GABPB2: variants seen among roughly 807,000 people sequenced by gnomAD.
The protein encoded by GABPB2 is GA-binding protein subunit beta-2.
Under a neutral mutation model 39.1 loss-of-function variants are expected in GABPB2, and 23 were observed. The observed-to-expected ratio is 0.59, with a 90% CI of 0.42 to 0.83. The LOEUF (loss-of-function observed/expected upper bound fraction) is 0.83. Ranked by LOEUF, GABPB2 falls within the 40% of genes least tolerant of loss-of-function variation. The pLI, the probability that GABPB2 is intolerant of heterozygous loss-of-function variation, is 0.00. For missense variants in GABPB2, 467 were observed against 541.1 expected, an observed-to-expected ratio of 0.86 and a Z score of 1.36; for synonymous variants, 184 against 199.3, an observed-to-expected ratio of 0.92 and a Z score of 0.65.
At chr1:151,093,146 G>T (rs371525284) in intron 3 of GABPB2, 46 bp from the exon 4 acceptor site, 7 of 1,436,470 alleles carry the variant, frequency 4.9e-6, no homozygotes, top group Non-Finnish European at 6.6e-6. Context: ...TTGCACCTGT[G>T]CTACTATAAC....
Position 151,070,909 on chromosome 1 carries a change from T to A in GABPB2, c.-26T>A, listed in dbSNP as rs1676645832. On this transcript the variant is annotated 5_prime_UTR_variant, in exon 1 of 9. Coordinates refer to ENST00000368918, the MANE Select transcript of GABPB2 (RefSeq NM_144618.3). ...TAAACTGGCGGGCTCCGTGGAAGCG[T>A]GGCCGGCAGCGTCCCGGACGAGGAG... is the stretch of plus-strand genomic sequence containing the variant. The A allele has an allele frequency of 6.6e-6, 1 of 152,044 alleles. No individual in the cohort carries two copies. The highest frequency in any genetic ancestry group is 6.6e-5 in the Admixed American group (1 of 15,258). The allele number at this position is 152,044 out of a possible 1,614,324, so 9.4% of individuals were successfully genotyped here.
intron 8 of GABPB2, 33 bp downstream of exon 8, chr1:151,117,549 A>C (rs1490690529): frequency 1.9e-6 from 3 of 1,607,868 alleles, no homozygotes; most frequent in Non-Finnish European, 1.7e-6. Context: ...AAAGAATTTA[A>C]AGCCTTAATT....
chr1:151,109,549 C>T (rs754774926), intron 7 of GABPB2, among the ~76,000 whole-genome samples: 11 of 150,264 alleles, frequency 7.3e-5, no homozygotes, highest in Non-Finnish European at 1.0e-4. Flanking sequence ...TTAGTAGAGA[C>T]GGGGTTTCAC....
chr1:151,102,140 G>A (rs1679574536), intron 5 of GABPB2, among the ~76,000 whole-genome samples: 1 of 152,116 alleles, frequency 6.6e-6, no homozygotes, highest in African/African-American at 2.4e-5. Context: ...GGGCAACATG[G>A]CGAGACCTCG....
chr1:151,084,072 A>T (rs587677876), intron 1 of GABPB2, among the ~76,000 whole-genome samples: 45 of 148,946 alleles, frequency 3.0e-4, no homozygotes, highest in Middle Eastern at 3.5e-3. Flanking sequence ...AAAAATATAT[A>T]TATTTTTTTA....
chr1:151,076,815 A>G (rs1297508596), intron 1 of GABPB2, among the ~76,000 whole-genome samples: 1 of 138,744 alleles, frequency 7.2e-6, no homozygotes, highest in African/African-American at 2.7e-5. Flanking sequence ...TTTTTTTGAG[A>G]TGGAGTCTCA....
intron 1 of GABPB2, among the ~76,000 whole-genome samples, chr1:151,082,399 T>C (rs975303910): frequency 1.6e-5 from 2 of 124,906 alleles, no homozygotes; most frequent in Non-Finnish European, 3.4e-5. Context: ...TTTCTTTTTT[T>C]TTTTTTTTTT....
chr1:151,080,559 G>A (rs972907981), intron 1 of GABPB2, among the ~76,000 whole-genome samples: 2 of 147,040 alleles, frequency 1.4e-5, no homozygotes, highest in African/African-American at 5.1e-5. Context: ...AAAATAAAAA[G>A]GGTTTAGGCC....
chr1:151,075,802 A>G (rs1295188865), intron 1 of GABPB2, among the ~76,000 whole-genome samples: 2 of 152,062 alleles, frequency 1.3e-5, no homozygotes, highest in Non-Finnish European at 2.9e-5. Context: ...TCTCAGCCTT[A>G]TTTCACCCAA....
At chr1:151,115,990 C>T (rs1193639810) in intron 7 of GABPB2, among the ~76,000 whole-genome samples, 2 of 152,088 alleles carry the variant, frequency 1.3e-5, no homozygotes, top group African/African-American at 4.8e-5. Context: ...GTAGTCCCAG[C>T]TACTCAGGAG....
intron 1 of GABPB2, among the ~76,000 whole-genome samples, chr1:151,087,011 C>T (rs1001668528): frequency 5.9e-5 from 9 of 152,182 alleles, no homozygotes; most frequent in Middle Eastern, 3.4e-3. Flanking sequence ...TGTGCCACCA[C>T]GCCCGGCTAA....
intron 7 of GABPB2, among the ~76,000 whole-genome samples, chr1:151,114,781 G>A (rs149831704): frequency 0.011 from 1,649 of 152,264 alleles, 43 homozygotes; most frequent in African/African-American, 0.038. Flanking sequence ...AGGCAAAGGT[G>A]GGTGAATCAC....
intron 1 of GABPB2, among the ~76,000 whole-genome samples, chr1:151,071,373 C>T (rs1571864913): frequency 6.6e-6 from 1 of 151,406 alleles, no homozygotes; most frequent in Admixed American, 6.6e-5. Flanking sequence ...TTATCTGACC[C>T]AAATAATGAC....
Position 151,090,416 on chromosome 1 carries a change from C to G in GABPB2, c.119C>G (p.Ser40Ter). The G allele has an allele frequency of 6.2e-7, 1 of 1,613,896 alleles. No individual in the cohort carries two copies. The highest frequency in any genetic ancestry group is 1.1e-5 in the South Asian group (1 of 91,064). Residue 40 changes from serine (S) to a stop codon, truncating the protein, a stop_gained, in exon 3 of 9, where the codon TCA becomes TGA. Transcript: ENST00000368918. LOFTEE classifies it high-confidence loss of function. ...APFTTDWLGT[S>*]PLHLAAQYGH... is the part of the protein sequence containing the mutation. The stretch of plus-strand genomic sequence containing the variant: ...ATTATTTTTCCACAGCTTGGAACAT[C>G]ACCCCTCCACCTTGCAGCTCAATAT...
chr1:151,088,041 G>A (rs1678347706), intron 1 of GABPB2, 149 bp from the exon 2 acceptor site: 1 of 590,890 alleles, frequency 1.7e-6, no homozygotes, highest in Non-Finnish European at 3.1e-6. Flanking sequence ...TGTGTTAGAC[G>A]AGGTAGAAAG....
intron 1 of GABPB2, among the ~76,000 whole-genome samples, chr1:151,083,916 T>A (rs1262008847): frequency 2.7e-5 from 4 of 150,104 alleles, no homozygotes; most frequent in Non-Finnish European, 4.4e-5. Context: ...AATTTTTGTA[T>A]TTTTAGTAGA....
chr1:151,116,397 ATC>A (rs1680865667), intron 7 of GABPB2, among the ~76,000 whole-genome samples: 7 of 89,596 alleles, frequency 7.8e-5, no homozygotes, highest in Non-Finnish European at 1.0e-4. Context: ...GCAAAATTCC[ATC>A]TCAAAAAAAA....
At chr1:151,080,288 A>G (rs996184835) in intron 1 of GABPB2, among the ~76,000 whole-genome samples, 4 of 150,716 alleles carry the variant, frequency 2.7e-5, no homozygotes, top group African/African-American at 9.7e-5. Flanking sequence ...AAGCTGGGCA[A>G]ATCACCTGAG....
At chr1:151,081,597 ACTTCTGGCTT>A in intron 1 of GABPB2, among the ~76,000 whole-genome samples, 1 of 152,154 alleles carries the variant, frequency 6.6e-6, no homozygotes, top group African/African-American at 2.4e-5. Context: ...ACTCTCTTTA[ACTTCTGGCTT>A]AATAGAAGAC....
Sources: gnomAD v4.1 joint callset for allele counts (sites outside exome capture counted in the v4.1 genomes callset) on GRCh38, gnomAD v4.1.1 for gene constraint, MANE v1.5 for transcripts, NCBI Gene and HGNC (gene_info 2026-07-23, HGNC 2026-07-21) for gene names.